OPHN1: variants seen among roughly 807,000 people sequenced by gnomAD.
OPHN1 encodes the protein oligophrenin 1, also known as oligophrenin-1.
A neutral mutation model predicts 60.7 loss-of-function variants in OPHN1; 11 were observed. The observed-to-expected ratio is 0.18, with a 90% CI of 0.11 to 0.30. OPHN1 has a LOEUF of 0.30. Among genes scored for constraint, OPHN1 ranks in the 10% least tolerant of loss-of-function variants. The pLI is 1.00. For synonymous variants in OPHN1, 226 were observed against 222.6 expected, an observed-to-expected ratio of 1.02 and a Z score of -0.14; for missense variants, 449 against 611.0, an observed-to-expected ratio of 0.73 and a Z score of 2.80.
intron 5 of OPHN1, among the ~76,000 whole-genome samples, chrX:68,258,495 T>C (rs1353462272): frequency 1.0e-5 from 1 of 99,784 alleles, no homozygotes. Context: ...TTCCCACCTA[T>C]GAGTCAGAAC....
At chrX:68,072,878 C>T (rs2076939895) in intron 20 of OPHN1, among the ~76,000 whole-genome samples, 1 of 111,519 alleles carries the variant, frequency 9.0e-6, no homozygotes, top group Non-Finnish European at 1.9e-5. Flanking sequence ...ATATTGGGGG[C>T]ATAAATCTAA....
intron 4 of OPHN1, among the ~76,000 whole-genome samples, chrX:68,279,872 G>A (rs2078011832): frequency 8.9e-6 from 1 of 111,932 alleles, no homozygotes; most frequent in Non-Finnish European, 1.9e-5. Flanking sequence ...TCAGCAGGAA[G>A]GGTGAGAAAA....
In OPHN1 at chrX:68,176,964, T is replaced by C. The variant is rs750569009; in HGVS notation, c.1276+15955A>G. On this transcript the variant is annotated intron_variant, in intron 15 of 24. Coordinates refer to ENST00000355520, the MANE Select transcript of OPHN1 (RefSeq NM_002547.3). Reference sequence around the variant, plus strand: ...AATGAATGAACAATACATATTGTTTTTATATATACATATATATATATATAT... The same window carrying C: ...AATGAATGAACAATACATATTGTTTCTATATATACATATATATATATATAT... 5.6e-3 allele frequency among the ~76,000 whole-genome samples: 425 copies of C among 76,453 alleles called. 1 individual carries two copies. Among genetic ancestry groups the C allele is most frequent in the African/African-American group, 0.024 (405 of 16,588 alleles). 66.4% of individuals were successfully genotyped at this position (76,453 alleles called of 115,157 possible).
At chrX:68,129,207 C>G (rs2077183912) in intron 15 of OPHN1, among the ~76,000 whole-genome samples, 1 of 111,808 alleles carries the variant, frequency 8.9e-6, no homozygotes, top group Non-Finnish European at 1.9e-5. Context: ...CATGTATATA[C>G]AGCAAGGGTG....
chrX:68,330,177 G>T (rs771698609), intron 2 of OPHN1, among the ~76,000 whole-genome samples: 2 of 108,609 alleles, frequency 1.8e-5, no homozygotes, highest in South Asian at 8.2e-4. Context: ...TCGGCTCACA[G>T]CAACCTCCAC....
chrX:68,314,007 A>T (rs947664701), intron 2 of OPHN1, among the ~76,000 whole-genome samples: 1 of 111,136 alleles, frequency 9.0e-6, no homozygotes, highest in South Asian at 3.8e-4. Flanking sequence ...AAAAAATTAA[A>T]TTTTTTTAAA....
At chrX:68,261,260 A>T (rs1411340732) in intron 5 of OPHN1, among the ~76,000 whole-genome samples, 1 of 111,510 alleles carries the variant, frequency 9.0e-6, no homozygotes, top group Non-Finnish European at 1.9e-5. Context: ...AAAGAACTGA[A>T]AACATCATAC....
At chrX:68,207,189 C>A (rs1483301684) in intron 9 of OPHN1, among the ~76,000 whole-genome samples, 1 of 105,980 alleles carries the variant, frequency 9.4e-6, no homozygotes, top group Non-Finnish European at 1.9e-5. Context: ...AGTGCAGTGG[C>A]GCAATCTCAG....
chrX:68,108,701 G>T (rs779042144), intron 18 of OPHN1, among the ~76,000 whole-genome samples: 4 of 111,538 alleles, frequency 3.6e-5, no homozygotes, highest in Non-Finnish European at 7.5e-5. Context: ...ATGAGTCAGA[G>T]GACTGTGTTG....
chrX:68,306,972 C>A (rs1333513708), intron 2 of OPHN1, among the ~76,000 whole-genome samples: 9 of 111,466 alleles, frequency 8.1e-5, no homozygotes, highest in Non-Finnish European at 1.7e-4. Context: ...GATCCTCCCA[C>A]TTTGGCCACC....
At chrX:68,234,091 CAA>C (rs33932284) in intron 6 of OPHN1, among the ~76,000 whole-genome samples, 1,098 of 44,175 alleles carry the variant, frequency 0.025, 25 homozygotes, top group African/African-American at 0.096. Flanking sequence ...AACCCCTCAC[CAA>C]AAAAAAAAAA....
chrX:68,396,580 C>T (rs1401981921), intron 2 of OPHN1, among the ~76,000 whole-genome samples: 1 of 109,515 alleles, frequency 9.1e-6, no homozygotes, highest in Non-Finnish European at 1.9e-5. Flanking sequence ...TTTGGGAGGC[C>T]GAGGCAGGCG....
intron 6 of OPHN1, 53 bp downstream of exon 6, chrX:68,234,434 G>A: frequency 2.1e-6 from 2 of 969,057 alleles, no homozygotes; most frequent in East Asian, 6.1e-5. Flanking sequence ...AATTCACACT[G>A]TTTCTAAGGC....
intron 3 of OPHN1, among the ~76,000 whole-genome samples, chrX:68,294,373 C>T (rs147422097): frequency 0.012 from 1,243 of 102,291 alleles, 18 homozygotes; most frequent in African/African-American, 0.043. Flanking sequence ...CTCGGGAGGC[C>T]GAGGCAGGAG....
intron 2 of OPHN1, among the ~76,000 whole-genome samples, chrX:68,367,213 G>A (rs1157250846): frequency 1.8e-5 from 2 of 109,489 alleles, no homozygotes; most frequent in Admixed American, 1.0e-4. Context: ...AATTAGCAGG[G>A]TGTGCTGGTG....
chrX:68,415,923 G>A (rs1355987963), intron 2 of OPHN1, among the ~76,000 whole-genome samples: 1 of 107,332 alleles, frequency 9.3e-6, no homozygotes, highest in Non-Finnish European at 1.9e-5. Flanking sequence ...GCTGAGGCAG[G>A]AGTATTGCTC....
At chrX:68,432,784 C>T (rs2078892163) in intron 2 of OPHN1, 83 bp downstream of exon 2, 3 of 1,077,074 alleles carry the variant, frequency 2.8e-6, no homozygotes, top group Admixed American at 2.2e-5. Flanking sequence ...ACCCTGCAAT[C>T]TCCCTTCCCC....
intron 2 of OPHN1, among the ~76,000 whole-genome samples, chrX:68,408,082 GGCATATGCCATCATGCCCA>G (rs1203578208): frequency 2.7e-5 from 3 of 111,994 alleles, no homozygotes; most frequent in African/African-American, 9.7e-5. Flanking sequence ...TAGGACTACA[GGCATATGCCATCATGCCCA>G]GCTTTCTGCT....
chrX:68,093,342 T>C (rs1249958992), intron 19 of OPHN1, among the ~76,000 whole-genome samples: 1 of 112,013 alleles, frequency 8.9e-6, no homozygotes, highest in Non-Finnish European at 1.9e-5. Context: ...TGTGCTAATA[T>C]GTGTAAAATG....
Sources: gnomAD v4.1 joint callset for allele counts (sites outside exome capture counted in the v4.1 genomes callset) on GRCh38, gnomAD v4.1.1 for gene constraint, MANE v1.5 for transcripts, NCBI Gene and HGNC (gene_info 2026-07-23, HGNC 2026-07-21) for gene names.